Variants in ALDH3A2 observed in about 807,000 individuals in gnomAD.
The protein encoded by ALDH3A2 is aldehyde dehydrogenase 3 family member A2, also known as aldehyde dehydrogenase family 3 member A2.
Under a neutral mutation model 51.3 loss-of-function variants are expected in ALDH3A2, and 36 were observed. The ratio of observed to expected loss-of-function variants is 0.70; its 90% CI spans 0.54 to 0.93. The LOEUF (loss-of-function observed/expected upper bound fraction) is 0.93, where lower values mean the gene tolerates loss of function less well. Among genes scored for constraint, ALDH3A2 ranks in the 40% least tolerant of loss-of-function variants. ALDH3A2 has a pLI of 0.00. For synonymous variants in ALDH3A2, 199 were observed against 219.8 expected (o/e 0.91, Z 0.84); for missense variants, 552 against 603.1 (o/e 0.92, Z 0.89).
intron 1 of ALDH3A2, chr17:19,649,365 A>C: frequency 3.8e-6 from 2 of 527,392 alleles, no homozygotes; most frequent in South Asian, 2.9e-5. Context: ...ATTCTTGTCC[A>C]TTTTTCTGTT....
At chr17:19,670,558 T>G (rs889311312) in intron 8 of ALDH3A2, among the ~76,000 whole-genome samples, 3 of 150,664 alleles carry the variant, frequency 2.0e-5, no homozygotes, top group African/African-American at 7.4e-5. Flanking sequence ...CGCCCCTCCC[T>G]TATTCTTTTT....
Position 19,656,546 on chromosome 17 carries a change from A to G in ALDH3A2, c.652A>G (p.Lys218Glu). 1 of 1,613,710 alleles carries G rather than the reference A, an allele frequency of 6.2e-7. No individual in the cohort carries two copies. Among genetic ancestry groups the G allele is most frequent in the African/African-American group, 1.3e-5 (1 of 75,042 alleles). ...AGGGAAAAGTCCATGTTATATTGAT[A>G]AAGATTGTGACCTGGACATTGTTTG... is the stretch of plus-strand genomic sequence containing the variant. The part of the protein sequence containing the change: ...LGGKSPCYID[K>E]DCDLDIVCRR... The change falls in exon 4 of 10, where the codon AAA becomes GAA. Residue 218 changes from lysine to glutamate, a missense_variant. Transcript: ENST00000176643.
chr17:19,648,724 A>C (rs2084768192), upstream of ALDH3A2: 1 of 572,186 alleles, frequency 1.7e-6, no homozygotes, highest in Admixed American at 3.0e-5. Context: ...GCCCAGGCCA[A>C]TAGGGGTGAG....
At chr17:19,664,121 G>A (rs935990377) in intron 7 of ALDH3A2, among the ~76,000 whole-genome samples, 3 of 152,218 alleles carry the variant, frequency 2.0e-5, no homozygotes, top group African/African-American at 7.2e-5. Context: ...TCATGTGACA[G>A]CTTTTGGAGC....
In ALDH3A2 at chr17:19,648,955, C is replaced by A; in HGVS notation, c.-17C>A. The A allele has an allele frequency of 6.3e-7, 1 of 1,577,138 alleles. No homozygotes were observed. Among genetic ancestry groups the A allele is most frequent in the Non-Finnish European group, 8.6e-7 (1 of 1,162,356 alleles). ...CCCAGCGCCCCCGGACCGTGCAGTT[C>A]TCTGCAGGACCAGGCCATGGAGCTC... is the stretch of plus-strand genomic sequence containing the variant. On this transcript the variant is annotated 5_prime_UTR_variant, in exon 1 of 10. Transcript: ENST00000176643.
intron 8 of ALDH3A2, among the ~76,000 whole-genome samples, chr17:19,668,075 T>A (rs1035211203): frequency 6.6e-6 from 1 of 152,200 alleles, no homozygotes; most frequent in African/African-American, 2.4e-5. Flanking sequence ...GAATTTTTTT[T>A]ACCACTCTCA....
rs1019106597 is a variant in ALDH3A2, at chr17:19,654,421, G to A, written c.471+1789G>A. Among the ~76,000 whole-genome samples, 5 of 152,228 alleles carry A rather than the reference G, an allele frequency of 3.3e-5. No homozygotes were observed. The highest frequency in any genetic ancestry group is 7.2e-5 in the African/African-American group (3 of 41,462). ...GGAACCCACCAGGGGCGGGGTGGGG[G>A]CCTTGGGCATGGCGGGCTGCAGGTC... On this transcript the variant is annotated intron_variant, in intron 3 of 9. Transcript: ENST00000176643. The surrounding 1 kb of genome is among the most constrained non-coding windows in gnomAD (Gnocchi z 4.5).
intron 2 of ALDH3A2, 125 bp from the exon 3 acceptor site, chr17:19,652,422 T>A: frequency 1.4e-6 from 1 of 724,950 alleles, no homozygotes; most frequent in Non-Finnish European, 2.5e-6. Flanking sequence ...ATTATGAGGA[T>A]ATGCAGCATT....
chr17:19,658,366 A>G (rs1409827897), intron 5 of ALDH3A2, among the ~76,000 whole-genome samples: 1 of 152,172 alleles, frequency 6.6e-6, no homozygotes, highest in East Asian at 1.9e-4. Flanking sequence ...CAGTGAGGGA[A>G]CCAAGGAAGA....
intron 1 of ALDH3A2, chr17:19,649,531 A>G (rs1597547021): frequency 5.8e-6 from 1 of 171,710 alleles, no homozygotes. Context: ...TTGCATACCA[A>G]CTTGAATAAC....
At chr17:19,667,309 C>T (rs1342355703) in intron 8 of ALDH3A2, among the ~76,000 whole-genome samples, 3 of 152,130 alleles carry the variant, frequency 2.0e-5, no homozygotes, top group East Asian at 1.9e-4. Context: ...AACCAATTCC[C>T]AGTATTAGAT....
chr17:19,674,713 T>A (rs1424903366), intron 9 of ALDH3A2: 2 of 152,222 alleles, frequency 1.3e-5, no homozygotes, highest in Non-Finnish European at 2.9e-5. Context: ...GATTTGGTTT[T>A]CTTTTCCACT....
chr17:19,660,348 T>A (rs2084950807), intron 5 of ALDH3A2, among the ~76,000 whole-genome samples: 1 of 152,116 alleles, frequency 6.6e-6, no homozygotes, highest in African/African-American at 2.4e-5. Flanking sequence ...GCACATGCAT[T>A]TTAGCAAGCT....
rs1332789987 is a variant in ALDH3A2, at chr17:19,654,215, A to T, written c.471+1583A>T. 6.6e-6 allele frequency among the ~76,000 whole-genome samples: 1 copy of T among 152,248 alleles called. No individual in the cohort carries two copies. The highest frequency in any genetic ancestry group is 1.5e-5 in the Non-Finnish European group (1 of 68,032). ...TCCGGCTAGACATAAAAGTTCTCTA[A>T]GTCCCCACCCGACTCAGGAGCCCAG... On this transcript the variant is annotated intron_variant, in intron 3 of 9. Transcript: ENST00000176643. This position sits in a 1 kb window ranked among gnomAD's most constrained non-coding sequence, Gnocchi z 4.5.
chr17:19,674,405 G>A (rs1188642224), intron 9 of ALDH3A2: 2 of 152,164 alleles, frequency 1.3e-5, no homozygotes, highest in Admixed American at 6.5e-5. Flanking sequence ...AGGCAGGTTC[G>A]AGTTCCCAAA....
rs199991380 is a variant in ALDH3A2 at position 19,673,350 on chromosome 17, GT to G, written c.1443+1399del. ...TATGTTTTCAAGGGTTTTTTGGTTTGTTTTTGTTTTTGTTTTTGTTTTTGTT... is the reference window on the plus strand; with the variant it reads ...TATGTTTTCAAGGGTTTTTTGGTTTGTTTTGTTTTTGTTTTTGTTTTTGTT... On this transcript the variant is annotated intron_variant, in intron 9 of 9. Coordinates refer to ENST00000176643, the MANE Select transcript of ALDH3A2 (RefSeq NM_000382.3). 1,320 of 1,251,504 alleles carry G rather than the reference GT, an allele frequency of 1.1e-3. 5 individuals carry two copies. The highest frequency in any genetic ancestry group is 1.2e-3 in the Non-Finnish European group (1,095 of 948,896). The allele number at this position is 1,251,504 out of a possible 1,614,324, so 77.5% of individuals were successfully genotyped here. A position where few individuals can be genotyped will look rare whatever the true frequency, so the allele number is the denominator to read the frequency against.
chr17:19,675,959 T>C lies in ALDH3A2; in HGVS notation c.*387T>C, dbSNP rs573034944. Reference sequence around the variant, plus strand: ...TGCTGCCACCATCACTGTGTGAAGCTTTCAAGAGCTTGGTACTTCCCAGGG... The same window carrying C: ...TGCTGCCACCATCACTGTGTGAAGCCTTCAAGAGCTTGGTACTTCCCAGGG... On this transcript the variant is annotated 3_prime_UTR_variant, in exon 10 of 10. Transcript: ENST00000176643. 124 of 293,180 alleles carry C rather than the reference T, an allele frequency of 4.2e-4. 3 individuals are homozygous for C. In the South Asian group the frequency reaches 4.3e-3, roughly 10 times the overall value. 18.2% of individuals were successfully genotyped at this position (293,180 alleles called of 1,614,324 possible).
At chr17:19,660,842 A>G (rs1331973763) in intron 5 of ALDH3A2, among the ~76,000 whole-genome samples, 1 of 152,208 alleles carries the variant, frequency 6.6e-6, no homozygotes, top group Non-Finnish European at 1.5e-5. Context: ...CAGCCCCAGG[A>G]GGTGAAGGCC....
At chr17:19,656,050 A>G (rs2084890811) in intron 3 of ALDH3A2, 2 of 389,698 alleles carry the variant, frequency 5.1e-6, no homozygotes, top group African/African-American at 2.1e-5. Context: ...GCACTTCTGC[A>G]CACACCCGCG....
Sources: gnomAD v4.1 joint callset for allele counts (sites outside exome capture counted in the v4.1 genomes callset) on GRCh38, gnomAD v4.1.1 for gene constraint, Gnocchi (gnomAD v3.1) non-coding constraint, MANE v1.5 for transcripts, NCBI Gene and HGNC (gene_info 2026-07-23, HGNC 2026-07-21) for gene names.